The following ATRNL1 variants were observed in gnomAD, a reference collection of about 807,000 sequenced individuals.
ATRNL1 encodes the protein attractin-like protein 1.
Under a neutral mutation model 182.7 loss-of-function variants are expected in ATRNL1, and 95 were observed. That is an observed-to-expected ratio of 0.52 (90% CI 0.44 to 0.62). The LOEUF (loss-of-function observed/expected upper bound fraction) is 0.62, where lower values mean the gene tolerates loss of function less well. ATRNL1 is among the 20% of genes least tolerant of loss of function. ATRNL1 has a pLI of 0.00. For missense variants in ATRNL1, 1,471 were observed against 1,679.5 expected, an observed-to-expected ratio of 0.88 and a Z score of 2.17; for synonymous variants, 576 against 568.3, an observed-to-expected ratio of 1.01 and a Z score of -0.19.
At chr10:115,175,217 T>C (rs1190486929) in intron 8 of ATRNL1, among the ~76,000 whole-genome samples, 1 of 152,050 alleles carries the variant, frequency 6.6e-6, no homozygotes, top group African/African-American at 2.4e-5. Context: ...GTGTGCTTCA[T>C]CGTTTCCTTT....
intron 28 of ATRNL1, among the ~76,000 whole-genome samples, chr10:115,928,067 C>T (rs1231391466): frequency 2.0e-5 from 3 of 151,972 alleles, no homozygotes; most frequent in African/African-American, 7.2e-5. Context: ...CAGGAAATTT[C>T]TAAGGCTCCT....
intron 26 of ATRNL1, among the ~76,000 whole-genome samples, chr10:115,600,203 A>G (rs1406367505): frequency 6.8e-6 from 1 of 146,108 alleles, no homozygotes; most frequent in Non-Finnish European, 1.5e-5. Context: ...CTATTCCAAA[A>G]CTGTTATGAA....
intron 26 of ATRNL1, among the ~76,000 whole-genome samples, chr10:115,612,924 T>C (rs923496856): frequency 6.6e-5 from 10 of 152,190 alleles, no homozygotes; most frequent in African/African-American, 2.4e-4. Context: ...TCCAAAAGCA[T>C]TGCTGATCAA....
intron 9 of ATRNL1, among the ~76,000 whole-genome samples, chr10:115,240,700 T>G (rs1323706510): frequency 2.0e-5 from 3 of 152,114 alleles, no homozygotes; most frequent in African/African-American, 7.2e-5. Flanking sequence ...ATCAGGGCTT[T>G]AGAGTAGTTA....
intron 12 of ATRNL1, among the ~76,000 whole-genome samples, chr10:115,267,318 T>A (rs1851648770): frequency 6.6e-6 from 1 of 151,426 alleles, no homozygotes; most frequent in South Asian, 2.1e-4. Context: ...TAAGAAGTGC[T>A]GTTAGATTCA....
At chr10:115,502,615 A>G (rs73371485) in intron 24 of ATRNL1, among the ~76,000 whole-genome samples, 4,068 of 152,176 alleles carry the variant, frequency 0.027, 216 homozygotes, top group African/African-American at 0.094. Flanking sequence ...TAATCCTCTT[A>G]TAACCTTTAT....
chr10:115,342,705 A>G (rs1199571237), intron 19 of ATRNL1, among the ~76,000 whole-genome samples: 1 of 151,846 alleles, frequency 6.6e-6, no homozygotes, highest in Non-Finnish European at 1.5e-5. Flanking sequence ...TCAGGTGATT[A>G]CTTATTGCTG....
At chr10:115,899,311 G>T (rs1414229008) in intron 28 of ATRNL1, among the ~76,000 whole-genome samples, 3 of 151,858 alleles carry the variant, frequency 2.0e-5, no homozygotes, top group Non-Finnish European at 4.4e-5. Context: ...TTTTTTTGTT[G>T]TTGTTGTTGT....
At chr10:115,822,776 G>T (rs367956590) in intron 27 of ATRNL1, among the ~76,000 whole-genome samples, 8 of 152,038 alleles carry the variant, frequency 5.3e-5, no homozygotes, top group Non-Finnish European at 1.0e-4. Context: ...TTCTGAAATC[G>T]AGGCAGTAAC....
At chr10:115,194,204 A>C (rs1899722) in intron 8 of ATRNL1, among the ~76,000 whole-genome samples, 1 of 151,864 alleles carries the variant, frequency 6.6e-6, no homozygotes, top group Non-Finnish European at 1.5e-5. Flanking sequence ...GTAAATGTCT[A>C]TTTGGTCTGT....
intron 24 of ATRNL1, among the ~76,000 whole-genome samples, chr10:115,478,515 C>G (rs1334893072): frequency 6.6e-6 from 1 of 151,724 alleles, no homozygotes; most frequent in African/African-American, 2.4e-5. Context: ...GTTATACAAT[C>G]TCTTTTCCTT....
At chr10:115,477,716 A>T (rs555436113) in intron 24 of ATRNL1, among the ~76,000 whole-genome samples, 104 of 151,800 alleles carry the variant, frequency 6.9e-4, no homozygotes, top group African/African-American at 2.5e-3. Context: ...GTTATCATGG[A>T]TAACCTTGAT....
chr10:115,519,985 C>A (rs146793892), intron 25 of ATRNL1, among the ~76,000 whole-genome samples: 196 of 152,194 alleles, frequency 1.3e-3, no homozygotes, highest in African/African-American at 4.4e-3. Flanking sequence ...TATAAAATAT[C>A]TGTGTTATGA....
intron 19 of ATRNL1, among the ~76,000 whole-genome samples, chr10:115,370,307 G>T (rs1857326166): frequency 6.6e-6 from 1 of 152,162 alleles, no homozygotes; most frequent in South Asian, 2.1e-4. Context: ...CTGAAAATGT[G>T]GAAGCAACTT....
At chr10:115,767,049 G>C (rs1408618026) in intron 27 of ATRNL1, among the ~76,000 whole-genome samples, 1 of 152,148 alleles carries the variant, frequency 6.6e-6, no homozygotes, top group Admixed American at 6.5e-5. Context: ...AAGGGTTTAT[G>C]ATAATTATTA....
At chr10:115,257,149 G>A (rs1362366159) in intron 10 of ATRNL1, among the ~76,000 whole-genome samples, 2 of 152,168 alleles carry the variant, frequency 1.3e-5, no homozygotes, top group East Asian at 3.8e-4. Context: ...TTTTAGGTTT[G>A]CTTGTTGCAG....
At chr10:115,636,299 TA>T (rs34871052) in intron 26 of ATRNL1, among the ~76,000 whole-genome samples, 26,305 of 151,978 alleles carry the variant, frequency 0.17, 2,868 homozygotes, top group East Asian at 0.26. Flanking sequence ...GCAATAGCAA[TA>T]GGGGGATCCC....
chr10:115,362,781 T>C (rs1856812869), intron 19 of ATRNL1, among the ~76,000 whole-genome samples: 1 of 151,994 alleles, frequency 6.6e-6, no homozygotes, highest in Admixed American at 6.6e-5. Context: ...TTTGGTTTTT[T>C]GTTCTTGCGA....
At chr10:115,280,631 GAGA>G (rs1483206638) in intron 13 of ATRNL1, among the ~76,000 whole-genome samples, 1 of 152,192 alleles carries the variant, frequency 6.6e-6, no homozygotes, top group African/African-American at 2.4e-5. Flanking sequence ...TTTTGCTGCA[GAGA>G]AGAACTTCGT....
Sources: gnomAD v4.1 joint callset for allele counts (sites outside exome capture counted in the v4.1 genomes callset) on GRCh38, gnomAD v4.1.1 for gene constraint, MANE v1.5 for transcripts, NCBI Gene and HGNC (gene_info 2026-07-23, HGNC 2026-07-21) for gene names.